RSF1: variants seen among roughly 807,000 people sequenced by gnomAD.
The protein encoded by RSF1 is HBV pX-associated protein 8.
A neutral mutation model predicts 145.2 loss-of-function variants in RSF1; 13 were observed. The ratio of observed to expected loss-of-function variants is 0.09; its 90% confidence interval spans 0.06 to 0.14. The LOEUF (loss-of-function observed/expected upper bound fraction) is 0.14, where lower values mean the gene tolerates loss of function less well. Ranked by LOEUF, RSF1 falls within the 10% of genes least tolerant of loss-of-function variation. RSF1 has a pLI of 1.00. For synonymous variants in RSF1, 577 were observed against 592.6 expected (o/e 0.97, Z 0.38); for missense variants, 1,517 against 1,718.2 (o/e 0.88, Z 2.07).
rs1411711267 is a variant in RSF1, at chr11:77,663,137, C to T, written c.*3780G>A. 6.6e-6 allele frequency: 1 copy of T among 152,058 alleles called. No individual in the cohort carries two copies. Among genetic ancestry groups the T allele is most frequent in the African/African-American group, 2.4e-5 (1 of 41,390 alleles). The allele number at this position is 152,058 out of a possible 1,614,324, so 9.4% of individuals were successfully genotyped here. A position where few individuals can be genotyped will look rare whatever the true frequency, so the allele number is the denominator to read the frequency against. On this transcript the variant is annotated 3_prime_UTR_variant, in exon 16 of 16. Coordinates refer to ENST00000308488, the MANE Select transcript of RSF1 (RefSeq NM_016578.4). ...CCTGTTCCACTGTACTGGTAAAGAG[C>T]GGAGTTCCTAGCTTTTTCTGAATAT...
At chr11:77,721,127 C>T (rs896809104) in intron 5 of RSF1, among the ~76,000 whole-genome samples, 1 of 151,788 alleles carries the variant, frequency 6.6e-6, no homozygotes, top group African/African-American at 2.4e-5. Context: ...GTTGTTATTC[C>T]CTCTCCAGTG....
chr11:77,858,339 G>A, the RSF1 span, among the ~76,000 whole-genome samples: 303 of 126,838 alleles, frequency 2.4e-3, no homozygotes, highest in Middle Eastern at 4.5e-3. Flanking sequence ...TAGTTGCAAG[G>A]TTTAATAGAG....
chr11:77,695,834 G>A (rs529441986), intron 7 of RSF1, among the ~76,000 whole-genome samples: 4 of 152,280 alleles, frequency 2.6e-5, no homozygotes, highest in African/African-American at 9.6e-5. Context: ...ATATCTTTCT[G>A]TGCCTATATT....
chr11:77,670,495 T>G (rs1057298640), intron 15 of RSF1, among the ~76,000 whole-genome samples: 5 of 152,166 alleles, frequency 3.3e-5, no homozygotes, highest in African/African-American at 1.2e-4. Context: ...TTCTAATATA[T>G]CATATATTCT....
chr11:77,690,235 A>AG (rs1434788509), intron 9 of RSF1, among the ~76,000 whole-genome samples: 1 of 152,002 alleles, frequency 6.6e-6, no homozygotes, highest in African/African-American at 2.4e-5. Flanking sequence ...TATTGAAAAG[A>AG]GGGGCATCTC....
intron 4 of RSF1, among the ~76,000 whole-genome samples, chr11:77,736,655 T>C (rs1961360317): frequency 6.6e-6 from 1 of 152,250 alleles, no homozygotes; most frequent in African/African-American, 2.4e-5. Context: ...GGGTTAAAGC[T>C]AATTGGAATG....
chr11:77,872,188 C>T, the RSF1 span: 1 of 1,613,322 alleles, frequency 6.2e-7, no homozygotes, highest in Non-Finnish European at 8.5e-7. Flanking sequence ...CCTTCATCAA[C>T]TGTGGAGTAC....
chr11:77,788,098 C>T (rs901279740), intron 1 of RSF1, among the ~76,000 whole-genome samples: 8 of 121,434 alleles, frequency 6.6e-5, no homozygotes, highest in Non-Finnish European at 1.1e-4. Context: ...GCCAAGATCA[C>T]ACCACTGTAG....
At chr11:77,778,671 G>A (rs182963071) in intron 1 of RSF1, among the ~76,000 whole-genome samples, 1 of 152,262 alleles carries the variant, frequency 6.6e-6, no homozygotes, top group East Asian at 1.9e-4. Flanking sequence ...TAGCAGAGAT[G>A]AGTCTCACTA....
At chr11:77,787,054 A>T (rs1950919115) in intron 1 of RSF1, among the ~76,000 whole-genome samples, 1 of 152,206 alleles carries the variant, frequency 6.6e-6, no homozygotes. Context: ...CAGAGAAGAG[A>T]GCTGCAGAGA....
chr11:77,756,846 G>T (rs533118347), intron 2 of RSF1, among the ~76,000 whole-genome samples: 1 of 152,302 alleles, frequency 6.6e-6, no homozygotes, highest in Admixed American at 6.5e-5. Flanking sequence ...TTAAATATTG[G>T]AAGGGCAAAG....
chr11:77,780,895 C>T (rs752921575), intron 1 of RSF1, among the ~76,000 whole-genome samples: 2 of 151,802 alleles, frequency 1.3e-5, no homozygotes, highest in Non-Finnish European at 2.9e-5. Flanking sequence ...AGTCAGTCAC[C>T]CCACTTCTGG....
intron 4 of RSF1, among the ~76,000 whole-genome samples, chr11:77,731,909 G>A (rs1022239160): frequency 1.3e-5 from 2 of 152,252 alleles, no homozygotes; most frequent in African/African-American, 4.8e-5. Context: ...GGGCAGTGTG[G>A]AAGGGAAATG....
intron 2 of RSF1, among the ~76,000 whole-genome samples, chr11:77,747,694 A>G (rs764256230): frequency 1.3e-5 from 2 of 152,214 alleles, no homozygotes; most frequent in Non-Finnish European, 2.9e-5. Context: ...ACTGTAACAG[A>G]CCAAAGAAAG....
chr11:77,858,284 T>C, the RSF1 span, among the ~76,000 whole-genome samples: 1 of 138,720 alleles, frequency 7.2e-6, no homozygotes, highest in Non-Finnish European at 1.5e-5. Flanking sequence ...AACCTCCACC[T>C]CCTGCGTTTA....
intron 4 of RSF1, among the ~76,000 whole-genome samples, chr11:77,736,362 T>C (rs1403449421): frequency 6.6e-6 from 1 of 152,228 alleles, no homozygotes; most frequent in East Asian, 1.9e-4. Context: ...AATCATCTTC[T>C]TTGTGGTTGT....
At chr11:77,845,072 A>G in the RSF1 span, among the ~76,000 whole-genome samples, 5 of 152,130 alleles carry the variant, frequency 3.3e-5, no homozygotes, top group Non-Finnish European at 5.9e-5. Flanking sequence ...ATGTCTAGGT[A>G]TGGATATCTT....
chr11:77,823,887 C>T (rs1949051388), upstream of RSF1, among the ~76,000 whole-genome samples: 1 of 151,586 alleles, frequency 6.6e-6, no homozygotes, highest in Admixed American at 6.6e-5. Context: ...TCACTTCCCA[C>T]ATTCCAGTGA....
chr11:77,803,650 GCA>G (rs1948648549), intron 1 of RSF1, among the ~76,000 whole-genome samples: 1 of 151,684 alleles, frequency 6.6e-6, no homozygotes, highest in Non-Finnish European at 1.5e-5. Context: ...ATGGTGGTGC[GCA>G]CCTGTAATCC....
Sources: gnomAD v4.1 joint callset for allele counts (sites outside exome capture counted in the v4.1 genomes callset) on GRCh38, gnomAD v4.1.1 for gene constraint, MANE v1.5 for transcripts, NCBI Gene and HGNC (gene_info 2026-07-23, HGNC 2026-07-21) for gene names.